The following COL1A2 variants were observed in gnomAD, a reference collection of about 807,000 sequenced individuals.
The protein encoded by COL1A2 is collagen type I alpha 2 chain, also known as collagen alpha-2(I) chain.
COL1A2 carries 49 observed loss-of-function variants against 174.3 expected under a neutral mutation model. The ratio of observed to expected loss-of-function variants is 0.28; its 90% CI spans 0.22 to 0.36. The LOEUF (loss-of-function observed/expected upper bound fraction) is 0.36. Ranked by LOEUF, COL1A2 falls within the 10% of genes least tolerant of loss-of-function variation. COL1A2 has a pLI of 1.00. For missense variants in COL1A2, 1,438 were observed against 1,822.7 expected, an observed-to-expected ratio of 0.79 and a Z score of 3.84; for synonymous variants, 655 against 606.6, an observed-to-expected ratio of 1.08 and a Z score of -1.17.
At chr7:94,400,561 A>T (rs919595225) in intron 5 of COL1A2, among the ~76,000 whole-genome samples, 5 of 152,080 alleles carry the variant, frequency 3.3e-5, no homozygotes, top group Non-Finnish European at 7.4e-5. Flanking sequence ...TTTATTAGTA[A>T]GGCACAAATA....
intron 39 of COL1A2, 37 bp downstream of exon 39, chr7:94,421,989 T>A: frequency 6.3e-7 from 1 of 1,581,902 alleles, no homozygotes; most frequent in Non-Finnish European, 8.7e-7. Context: ...TCATTTACTC[T>A]AGCCAAAAGG....
chr7:94,417,908 A>G, intron 32 of COL1A2, 77 bp downstream of exon 32: 1 of 1,209,954 alleles, frequency 8.3e-7, no homozygotes, highest in Non-Finnish European at 1.2e-6. Context: ...AAGTTTTCAC[A>G]ATTCTTGGCA....
In COL1A2 at chr7:94,400,237, C is replaced by T. The variant is rs1791664063; in HGVS notation, c.174C>T (p.Pro58=). 7 of 1,612,742 alleles carry T rather than the reference C, an allele frequency of 4.3e-6. No individual in the cohort carries two copies. The highest frequency in any genetic ancestry group is 5.1e-6 in the Non-Finnish European group (6 of 1,179,936). ...CAGGCAGAGATGGTGAAGATGGTCC[C>T]ACAGGCCCTCCTGGTCCACCTGGTC... is the stretch of plus-strand genomic sequence containing the variant. ...GPPGRDGEDG[P]TGPPGPPGPP... Residue 58 remains proline, a synonymous_variant, in exon 5 of 52, where the codon CCC becomes CCT. Coordinates refer to ENST00000297268, the MANE Select transcript of COL1A2 (RefSeq NM_000089.4).
In COL1A2 at chr7:94,394,901, A is replaced by T. The variant is rs919796151; in HGVS notation, c.-131A>T. 1.3e-6 allele frequency: 1 copy of T among 768,666 alleles called. No homozygotes were observed. The highest frequency in any genetic ancestry group is 1.8e-5 in the Admixed American group (1 of 55,496). The allele number at this position is 768,666 out of a possible 1,614,324, so 47.6% of individuals were successfully genotyped here. Reference sequence around the variant, plus strand: ...ATCCGGGCTTTATTATTTTAGCACCACGGCAGCAGGAGGTTTCGGCTAAGT... The same window carrying T: ...ATCCGGGCTTTATTATTTTAGCACCTCGGCAGCAGGAGGTTTCGGCTAAGT... On this transcript the variant is annotated 5_prime_UTR_variant, in exon 1 of 52. Transcript: ENST00000297268.
In COL1A2 at chr7:94,416,257, G is replaced by A. The variant is rs41317168; in HGVS notation, c.1765-148G>A. ...TCTCATCAATCTCTTCATTTTACTAGTGGAGAGATTAGGAACAAAAGAAAT... is the reference window on the plus strand; with the variant it reads ...TCTCATCAATCTCTTCATTTTACTAATGGAGAGATTAGGAACAAAAGAAAT... On this transcript the variant is annotated intron_variant, in intron 30 of 51. Transcript: ENST00000297268. 1,917 of 650,080 alleles carry A rather than the reference G, an allele frequency of 2.9e-3. 22 individuals carry two copies. In the African/African-American group the frequency reaches 0.031, roughly 11 times the overall value. 40.3% of individuals were successfully genotyped at this position (650,080 alleles called of 1,614,324 possible).
At position 94,394,937 on chromosome 7, in the gene COL1A2, G is replaced by A. The variant is rs1425776099; in HGVS notation, c.-95G>A. The A allele has an allele frequency of 5.1e-6, 5 of 980,498 alleles. No individual in the cohort carries two copies. Among genetic ancestry groups the A allele is most frequent in the Non-Finnish European group, 8.3e-6 (5 of 604,798 alleles). The allele number at this position is 980,498 out of a possible 1,614,324, so 60.7% of individuals were successfully genotyped here. Reference sequence around the variant, plus strand: ...AGGTTTCGGCTAAGTTGGAGGTACTGGCCACGACTGCATGCCCGCGCCCGC... The same window carrying A: ...AGGTTTCGGCTAAGTTGGAGGTACTAGCCACGACTGCATGCCCGCGCCCGC... On this transcript the variant is annotated 5_prime_UTR_variant, in exon 1 of 52. Coordinates refer to ENST00000297268, the MANE Select transcript of COL1A2 (RefSeq NM_000089.4).
At chr7:94,396,314 TTGTGTGTGTGTGTG>T (rs60833112) in intron 1 of COL1A2, among the ~76,000 whole-genome samples, 2 of 149,640 alleles carry the variant, frequency 1.3e-5, no homozygotes, top group Non-Finnish European at 3.0e-5. Flanking sequence ...ATTTGTGTGC[TTGTGTGTGTGTGTG>T]TGTGTGTGTG....
intron 40 of COL1A2, 78 bp from the exon 41 acceptor site, chr7:94,424,258 A>G: frequency 8.2e-7 from 1 of 1,218,100 alleles, no homozygotes; most frequent in Non-Finnish European, 1.2e-6. Flanking sequence ...AAGACAGTTT[A>G]TTCTCACAAT....
intron 38 of COL1A2, 30 bp from the exon 39 acceptor site, chr7:94,421,869 C>T: frequency 6.3e-7 from 1 of 1,597,390 alleles, no homozygotes. Flanking sequence ...TTGATGTTGA[C>T]TGTGGAATTC....
chr7:94,397,829 G>C, intron 2 of COL1A2, 71 bp downstream of exon 2: 3 of 889,990 alleles, frequency 3.4e-6, no homozygotes, highest in Non-Finnish European at 5.4e-6. Flanking sequence ...TCTTCTCTTG[G>C]AAGGGAAGAA....
Position 94,419,566 on chromosome 7 carries a change from T to C in COL1A2, c.2079+15T>C, listed in dbSNP as rs1584325623. On this transcript the variant is annotated intron_variant, in intron 34 of 51. Coordinates refer to ENST00000297268, the MANE Select transcript of COL1A2 (RefSeq NM_000089.4). ...CAGGTGACCGGGTAAGCATGCATTT[T>C]CACTAAGCCAACAGCAATATCTAAA... The C allele has an allele frequency of 6.2e-7, 1 of 1,614,034 alleles. No homozygotes were observed. The highest frequency in any genetic ancestry group is 2.2e-5 in the East Asian group (1 of 44,866).
chr7:94,430,980 AAAT>A lies in COL1A2; in HGVS notation c.*588_*590del, dbSNP rs1386416064. 6.5e-6 allele frequency: 1 copy of A among 152,708 alleles called. No individual in the cohort carries two copies. The highest frequency in any genetic ancestry group is 1.9e-4 in the East Asian group (1 of 5,196). The allele number at this position is 152,708 out of a possible 1,614,324, so 9.5% of individuals were successfully genotyped here. ...TGTATCGTGTGGTGTATTTTTTAAA[AAAT>A]TTGATTTAGCATTCATATTTTCCAT... On this transcript the variant is annotated 3_prime_UTR_variant, in exon 52 of 52. Transcript: ENST00000297268.
At chr7:94,405,101 T>C in intron 9 of COL1A2, 98 bp from the exon 10 acceptor site, 1 of 1,264,710 alleles carries the variant, frequency 7.9e-7, no homozygotes, top group Non-Finnish European at 1.1e-6. Flanking sequence ...CATATTTTTA[T>C]GTGATAACTT....
intron 42 of COL1A2, 45 bp downstream of exon 42, chr7:94,425,269 C>T (rs1303173585): frequency 6.4e-7 from 1 of 1,551,360 alleles, no homozygotes; most frequent in South Asian, 1.1e-5. Context: ...AGCAGGATTT[C>T]ATTGTGTGAA....
In COL1A2 at chr7:94,429,195, A is replaced by G; in HGVS notation, c.3719A>G (p.Tyr1240Cys). The stretch of plus-strand genomic sequence containing the variant: ...TCATCCTATTTTCTGTAGTTTGAAT[A>G]TAATGTAGAAGGAGTGACTTCCAAG... ...ETINAGSQFEYNVEGVTSKEM... is the reference protein window; with the variant it reads ...ETINAGSQFECNVEGVTSKEM... Residue 1240 changes from tyrosine (Y) to cysteine (C), a missense_variant, in exon 51 of 52, where the codon TAT (tyrosine) becomes TGT (cysteine). Around this residue, in one of 3 missense-constraint regions of COL1A2, gnomAD observed 290 missense variants for 298.1 expected, o/e 0.97. Transcript: ENST00000297268. The G allele has an allele frequency of 6.2e-7, 1 of 1,609,426 alleles. No individual in the cohort carries two copies. Among genetic ancestry groups the G allele is most frequent in the Non-Finnish European group, 8.5e-7 (1 of 1,178,518 alleles).
At chr7:94,400,356 A>C in intron 5 of COL1A2, 68 bp downstream of exon 5, 1 of 1,355,160 alleles carries the variant, frequency 7.4e-7, no homozygotes, top group South Asian at 1.2e-5. Flanking sequence ...TGTGGAATTT[A>C]TTTTTAGCAG....
At chr7:94,404,295 C>A (rs775159878) in intron 6 of COL1A2, among the ~76,000 whole-genome samples, 6 of 152,174 alleles carry the variant, frequency 3.9e-5, no homozygotes, top group Non-Finnish European at 2.9e-5. Context: ...TCTCAATATG[C>A]CCAATTGTGC....
Position 94,420,214 on chromosome 7 carries a change from A to G in COL1A2, c.2080-19A>G, listed in dbSNP as rs780826679. ...CTATGTCAGGCACATTAACAGATTC[A>G]TCTTTGGTCCCATTATAGGGCGAAG... On this transcript the variant is annotated intron_variant, in intron 34 of 51. Coordinates refer to ENST00000297268, the MANE Select transcript of COL1A2 (RefSeq NM_000089.4). 1.2e-6 allele frequency: 2 copies of G among 1,612,746 alleles called. No individual in the cohort carries two copies. Among genetic ancestry groups the G allele is most frequent in the Non-Finnish European group, 1.7e-6 (2 of 1,180,022 alleles).
intron 25 of COL1A2, 56 bp from the exon 26 acceptor site, chr7:94,413,027 A>G (rs1791960283): frequency 6.5e-7 from 1 of 1,544,866 alleles, no homozygotes; most frequent in South Asian, 1.1e-5. Flanking sequence ...ACCGTGGTTA[A>G]TTTGACATTA....
Sources: gnomAD v4.1 joint callset for allele counts (sites outside exome capture counted in the v4.1 genomes callset) on GRCh38, gnomAD v4.1.1 for gene constraint, gnomAD v4.1.1 regional missense constraint, MANE v1.5 for transcripts, NCBI Gene and HGNC (gene_info 2026-07-23, HGNC 2026-07-21) for gene names.